MGAM2: variants seen among roughly 807,000 people sequenced by gnomAD.
MGAM2 encodes probable maltase-glucoamylase 2.
Under a neutral mutation model 96.1 loss-of-function variants are expected in MGAM2, and 98 were observed. That is an observed-to-expected ratio of 1.02 (90% CI 0.87 to 1.21). The LOEUF (loss-of-function observed/expected upper bound fraction) is 1.21. MGAM2 is among the 50% of genes most tolerant of loss of function. The pLI is 0.00. For synonymous variants in MGAM2, 749 were observed against 414.8 expected (o/e 1.81, Z -9.79); for missense variants, 2,055 against 1,182.4 (o/e 1.74, Z -10.82).
rs764581600 is a variant in MGAM2 at position 142,196,179 on chromosome 7, C to G, written c.4372C>G (p.Arg1458Gly). ...AGCTGTGCAGGAGGTGACAGGACAG[C>G]GAGGGGTCATCATCACCCGCTCCAC... ...YEAVQEVTGQ[R>G]GVIITRSTFP... The change falls in exon 38 of 48, where the codon CGA (arginine) becomes GGA (glycine). Residue 1458 changes from arginine (R) to glycine (G), a missense_variant. Arg to Gly is a moderately radical substitution (Grantham distance 125, BLOSUM62 -2). Transcript: ENST00000477922. 3 of 1,202,906 alleles carry G rather than the reference C, an allele frequency of 2.5e-6. No homozygotes were observed. The highest frequency in any genetic ancestry group is 3.6e-6 in the Non-Finnish European group (3 of 827,364). The allele number at this position is 1,202,906 out of a possible 1,614,324, so 74.5% of individuals were successfully genotyped here. A position where few individuals can be genotyped will look rare whatever the true frequency, so the allele number is the denominator to read the frequency against.
At chr7:142,119,657 A>G (rs1174620687) in intron 2 of MGAM2, among the ~76,000 whole-genome samples, 4 of 152,220 alleles carry the variant, frequency 2.6e-5, no homozygotes, top group Admixed American at 2.0e-4. Context: ...CCAAATGTAC[A>G]TGAACCGATG....
chr7:142,117,785 C>T (rs1247976220), intron 2 of MGAM2, among the ~76,000 whole-genome samples: 2 of 152,156 alleles, frequency 1.3e-5, no homozygotes, highest in African/African-American at 4.8e-5. Context: ...CCCTCTAACA[C>T]ATTTTTCGGG....
At chr7:142,121,552 T>C (rs188627139) in intron 3 of MGAM2, among the ~76,000 whole-genome samples, 80 of 152,222 alleles carry the variant, frequency 5.3e-4, no homozygotes, top group African/African-American at 1.9e-3. Flanking sequence ...AATTATGATG[T>C]TTTCCCTACG....
At chr7:142,169,399 C>T (rs562183807) in intron 26 of MGAM2, among the ~76,000 whole-genome samples, 7 of 151,636 alleles carry the variant, frequency 4.6e-5, no homozygotes, top group South Asian at 4.2e-4. Flanking sequence ...TCCGAGCTGG[C>T]GACAGAGTGA....
At chr7:142,147,610 G>A (rs1396823528) in intron 15 of MGAM2, 37 bp downstream of exon 15, 1 of 677,876 alleles carries the variant, frequency 1.5e-6, no homozygotes, top group South Asian at 1.6e-5. Flanking sequence ...CCAGATATGT[G>A]GAGGTGGGAG....
At chr7:142,121,041 T>C (rs981103614) in intron 3 of MGAM2, among the ~76,000 whole-genome samples, 1 of 152,226 alleles carries the variant, frequency 6.6e-6, no homozygotes, top group Non-Finnish European at 1.5e-5. Flanking sequence ...TATATCTTCT[T>C]GAGATATTAA....
Position 142,196,754 on chromosome 7 carries a change from C to T in MGAM2, c.4570C>T (p.Arg1524Cys), listed in dbSNP as rs1286779715. 3 of 790,978 alleles carry T rather than the reference C, an allele frequency of 3.8e-6. No individual in the cohort carries two copies. Among genetic ancestry groups the T allele is most frequent in the East Asian group, 2.4e-5 (1 of 41,268 alleles). The allele number at this position is 790,978 out of a possible 1,614,324, so 49.0% of individuals were successfully genotyped here. A position where few individuals can be genotyped will look rare whatever the true frequency, so the allele number is the denominator to read the frequency against. ...AGATGCTGAATATGAGATGTGTGTT[C>T]GCTGGATGCAACTGGGGGCATTTTA... is the stretch of plus-strand genomic sequence containing the variant. ...FGDAEYEMCV[R>C]WMQLGAFYPF... Residue 1524 changes from arginine to cysteine, a missense_variant, in exon 40 of 48, where the codon CGC (arginine) becomes TGC (cysteine). Physicochemically the swap from Arg to Cys is radical, Grantham distance 180. Transcript: ENST00000477922.
chr7:142,125,022 C>T (rs1382826853), intron 3 of MGAM2, among the ~76,000 whole-genome samples: 1 of 151,964 alleles, frequency 6.6e-6, no homozygotes. Context: ...CATTTTCTTC[C>T]ATGTCTTTTA....
intron 3 of MGAM2, among the ~76,000 whole-genome samples, chr7:142,126,910 C>T (rs577813684): frequency 5.3e-4 from 80 of 152,098 alleles, no homozygotes; most frequent in African/African-American, 1.8e-3. Flanking sequence ...ATAAGAAGTC[C>T]CAAAATGCAT....
chr7:142,114,079 C>T (rs1170852851), intron 1 of MGAM2, among the ~76,000 whole-genome samples: 2 of 150,086 alleles, frequency 1.3e-5, no homozygotes, highest in South Asian at 2.1e-4. Flanking sequence ...TGCGGTGAGC[C>T]GAGATCGCGC....
Position 142,126,832 on chromosome 7 carries a change from A to G in MGAM2, c.187-4116A>G, listed in dbSNP as rs1309147698. Among the ~76,000 whole-genome samples the G allele has an allele frequency of 2.6e-5, 4 of 152,322 alleles. No homozygotes were observed. In the East Asian group the frequency reaches 7.7e-4, roughly 29 times the overall value. ...ATTTGCCAGACTAATAACAAAACTT[A>G]TCCTCACACTATAGTAATATCAGTG... On this transcript the variant is annotated intron_variant, in intron 3 of 47. Transcript: ENST00000477922.
intron 27 of MGAM2, among the ~76,000 whole-genome samples, chr7:142,170,563 A>C (rs1039171195): frequency 1.3e-5 from 2 of 152,208 alleles, no homozygotes; most frequent in Admixed American, 6.5e-5. Flanking sequence ...ATGTCTCATT[A>C]AGAAATAATA....
In MGAM2 at chr7:142,171,837, C is replaced by T. The variant is rs568444832; in HGVS notation, c.3352-261C>T. On this transcript the variant is annotated intron_variant, in intron 28 of 47. Coordinates refer to ENST00000477922, the MANE Select transcript of MGAM2 (RefSeq NM_001293626.2). ...CTTATAGGCTAGTGAGAGAAATAGA[C>T]GCAGAAATTGTGATAGCACAGTGGA... Among the ~76,000 whole-genome samples the T allele has an allele frequency of 7.6e-4, 114 of 150,964 alleles. 3 individuals carry two copies. The highest frequency in any genetic ancestry group is 2.3e-3 in the African/African-American group (96 of 41,198).
In MGAM2 at chr7:142,132,066, A is replaced by C; in HGVS notation, c.556A>C (p.Thr186Pro). 1 of 703,038 alleles carries C rather than the reference A, an allele frequency of 1.4e-6. No homozygotes were observed. The highest frequency in any genetic ancestry group is 2.6e-6 in the Non-Finnish European group (1 of 384,976). 43.5% of individuals were successfully genotyped at this position (703,038 alleles called of 1,614,324 possible). Residue 186 changes from threonine (T) to proline (P), a missense_variant, in exon 6 of 48, where the codon ACA becomes CCA. Coordinates refer to ENST00000477922, the MANE Select transcript of MGAM2 (RefSeq NM_001293626.2). ...DKPFSIKIMR[T>P]SNRRVLLDTS... The stretch of plus-strand genomic sequence containing the variant: ...ACCTTTCAGCATCAAAATAATGAGG[A>C]CAAGCAACAGAAGAGTCTTGTGAGC...
In MGAM2 at chr7:142,114,216, G is replaced by GAAAGAGAA. The variant is rs1554499599; in HGVS notation, c.-1+2410_-1+2411insAAGAGAAA. Among the ~76,000 whole-genome samples, 9 of 68,038 alleles carry GAAAGAGAA rather than the reference G, an allele frequency of 1.3e-4. 1 individual carries two copies. Among genetic ancestry groups the GAAAGAGAA allele is most frequent in the African/African-American group, 5.3e-4 (7 of 13,328 alleles). The allele number at this position is 68,038 out of a possible 152,430, so 44.6% of individuals were successfully genotyped here. Reference sequence around the variant, plus strand: ...AAAGAAAGAAAGAAAGAAAGAAAGAGAGAAAGAAAGAAAGAAATAGGAGAC... The same window carrying GAAAGAGAA: ...AAAGAAAGAAAGAAAGAAAGAAAGAGAAAGAGAAAGAAAGAAAGAAAGAAATAGGAGAC... On this transcript the variant is annotated intron_variant, in intron 1 of 47. Transcript: ENST00000477922.
chr7:142,132,793 T>C (rs1232370435), intron 6 of MGAM2, among the ~76,000 whole-genome samples: 1 of 126,294 alleles, frequency 7.9e-6, no homozygotes, highest in Non-Finnish European at 1.5e-5. Flanking sequence ...TAATTACATG[T>C]CATATAATTA....
intron 15 of MGAM2, among the ~76,000 whole-genome samples, chr7:142,151,070 T>G (rs749755415): frequency 1.1e-4 from 17 of 152,216 alleles, no homozygotes; most frequent in Non-Finnish European, 1.9e-4. Flanking sequence ...ATGCTTAGTA[T>G]GCAAAAAACA....
chr7:142,132,774 TATA>T (rs1794936112), intron 6 of MGAM2, among the ~76,000 whole-genome samples: 1 of 125,652 alleles, frequency 8.0e-6, no homozygotes, highest in Non-Finnish European at 1.6e-5. Flanking sequence ...AATTATATAA[TATA>T]ATATATAATT....
chr7:142,190,733 A>G (rs1240894176), intron 37 of MGAM2, among the ~76,000 whole-genome samples: 1 of 152,152 alleles, frequency 6.6e-6, no homozygotes, highest in East Asian at 1.9e-4. Context: ...TATTTCACTA[A>G]TACTAATGTT....
Sources: allele counts gnomAD v4.1 joint callset (sites outside exome capture counted in the v4.1 genomes callset), GRCh38; gene constraint gnomAD v4.1.1; transcripts MANE v1.5; gene names NCBI Gene and HGNC (gene_info 2026-07-23, HGNC 2026-07-21).